Variants in NOX3 observed in about 807,000 individuals in gnomAD.
NOX3 encodes NADPH oxidase catalytic subunit-like 3.
NOX3 carries 74 observed loss-of-function variants against 76.7 expected under a neutral mutation model. The ratio of observed to expected loss-of-function variants is 0.96; its 90% confidence interval spans 0.80 to 1.17. NOX3 has a LOEUF of 1.17. Among genes scored for constraint, NOX3 ranks in the 50% most tolerant of loss-of-function variants. The probability of loss-of-function intolerance (pLI) is 0.00; values close to 1 mark genes in which losing one functional copy is unlikely to be tolerated. For missense variants in NOX3, 695 were observed against 703.3 expected (o/e 0.99, Z 0.13); for synonymous variants, 263 against 261.1 (o/e 1.01, Z -0.07).
In NOX3 at chr6:155,442,092, G is replaced by A. The variant is rs370921645; in HGVS notation, c.486+1181C>T. ...ATCCTGGCTAACACAGTGAAACCCC[G>A]TCTCTACTAAAAATAACAAAAATTA... On this transcript the variant is annotated intron_variant, in intron 5 of 13. Transcript: ENST00000159060. Among the ~76,000 whole-genome samples, 11 of 152,126 alleles carry A rather than the reference G, an allele frequency of 7.2e-5. No individual in the cohort carries two copies. In the South Asian group the frequency reaches 1.2e-3, roughly 17 times the overall value.
chr6:155,424,061 C>T (rs930474869), intron 9 of NOX3, among the ~76,000 whole-genome samples: 6 of 152,124 alleles, frequency 3.9e-5, no homozygotes, highest in African/African-American at 1.4e-4. Flanking sequence ...TTCCTTCCCT[C>T]TCTCCTTAGT....
In NOX3 at chr6:155,445,051, G is replaced by A. The variant is rs144488186; in HGVS notation, c.341-1633C>T. 2.3e-3 allele frequency among the ~76,000 whole-genome samples: 347 copies of A among 152,272 alleles called. 2 individuals carry two copies. Among genetic ancestry groups the A allele is most frequent in the African/African-American group, 7.8e-3 (324 of 41,560 alleles). On this transcript the variant is annotated intron_variant, in intron 4 of 13. Coordinates refer to ENST00000159060, the MANE Select transcript of NOX3 (RefSeq NM_015718.3). ...AGAACAAGCTTAAGAACCCAGCATCGTCTGGCCTGAGGATTCTGTGTCTGA... is the reference window on the plus strand; with the variant it reads ...AGAACAAGCTTAAGAACCCAGCATCATCTGGCCTGAGGATTCTGTGTCTGA...
At chr6:155,400,414 G>A (rs1363633454) in intron 12 of NOX3, among the ~76,000 whole-genome samples, 3 of 152,300 alleles carry the variant, frequency 2.0e-5, no homozygotes, top group Admixed American at 6.5e-5. Flanking sequence ...TACCCTGAGT[G>A]CATTCTGCAA....
At chr6:155,420,198 C>T (rs1048253214) in intron 10 of NOX3, among the ~76,000 whole-genome samples, 3 of 151,988 alleles carry the variant, frequency 2.0e-5, no homozygotes, top group Non-Finnish European at 4.4e-5. Context: ...GATTGTGAGT[C>T]GGGTGTAATG....
At position 155,454,840 on chromosome 6, in the gene NOX3, G is replaced by A. The variant is rs368167688; in HGVS notation, c.226C>T (p.Leu76Phe). 2.5e-6 allele frequency: 4 copies of A among 1,600,002 alleles called. No homozygotes were observed. In the African/African-American group the frequency reaches 5.4e-5, roughly 22 times the overall value. Residue 76 changes from leucine (L) to phenylalanine (F), a missense_variant, in exon 3 of 14, where the codon CTT (leucine) becomes TTT (phenylalanine). Transcript: ENST00000159060. ...CTTGTTCCTCTTATGAATGAAATAA[G>A]GTTTCGACTGACAGGTATTAGAATT... ...MLILIPVSRNLISFIRGTSIC... is the reference protein window; with the variant it reads ...MLILIPVSRNFISFIRGTSIC...
At chr6:155,431,753 G>A (rs1370447986) in intron 7 of NOX3, among the ~76,000 whole-genome samples, 2 of 152,178 alleles carry the variant, frequency 1.3e-5, no homozygotes, top group African/African-American at 4.8e-5. Context: ...TGAGGCATAT[G>A]TATTACCTTG....
At chr6:155,420,299 C>T (rs537528933) in intron 10 of NOX3, among the ~76,000 whole-genome samples, 27 of 152,286 alleles carry the variant, frequency 1.8e-4, no homozygotes, top group Non-Finnish European at 2.9e-4. Context: ...CCACCACCAT[C>T]TTCCTGTGAA....
Position 155,436,551 on chromosome 6 carries a change from GT to G in NOX3, c.669-5del, listed in dbSNP as rs763068128. ...GGTTTGGCCTCGAACAATCCGACTTGTTATTTAAGAAAAGCAAAACAAAACA... is the reference window on the plus strand; with the variant it reads ...GGTTTGGCCTCGAACAATCCGACTTGTATTTAAGAAAAGCAAAACAAAACA... On this transcript the variant is annotated splice_polypyrimidine_tract_variant and splice_region_variant and intron_variant, in intron 6 of 13. Transcript: ENST00000159060. The G allele has an allele frequency of 4.1e-5, 66 of 1,609,134 alleles. 1 individual carries two copies. The East Asian group carries it at 6.0e-4, about 15-fold the overall frequency.
chr6:155,414,619 C>CT (rs1776599820), intron 10 of NOX3, among the ~76,000 whole-genome samples: 4 of 119,430 alleles, frequency 3.3e-5, no homozygotes, highest in Admixed American at 8.1e-5. Flanking sequence ...CTTTTCTTTT[C>CT]TTTCTTTTTT....
At position 155,443,425 on chromosome 6, in the gene NOX3, C is replaced by G. The variant is rs1287253046; in HGVS notation, c.341-7G>C. ...TGCGCCACGATGTGGATGGCTAGGACAAGGAGATGACACCAAACATGCACC... is the reference window on the plus strand; with the variant it reads ...TGCGCCACGATGTGGATGGCTAGGAGAAGGAGATGACACCAAACATGCACC... On this transcript the variant is annotated splice_polypyrimidine_tract_variant and splice_region_variant and intron_variant, in intron 4 of 13. Coordinates refer to ENST00000159060, the MANE Select transcript of NOX3 (RefSeq NM_015718.3). The G allele has an allele frequency of 6.2e-7, 1 of 1,613,348 alleles. No individual in the cohort carries two copies. Among genetic ancestry groups the G allele is most frequent in the Admixed American group, 1.7e-5 (1 of 59,970 alleles).
chr6:155,433,128 T>C (rs182824986), intron 7 of NOX3, among the ~76,000 whole-genome samples: 5 of 152,318 alleles, frequency 3.3e-5, no homozygotes, highest in Non-Finnish European at 5.9e-5. Flanking sequence ...ATCTCTGATA[T>C]TTTCCACGTT....
At chr6:155,438,754 C>T (rs1397061137) in intron 6 of NOX3, among the ~76,000 whole-genome samples, 1 of 152,234 alleles carries the variant, frequency 6.6e-6, no homozygotes, top group African/African-American at 2.4e-5. Context: ...TGCGCTTGCT[C>T]TTCCAGGTCC....
At chr6:155,448,504 C>G (rs2114708859) in intron 4 of NOX3, among the ~76,000 whole-genome samples, 2 of 152,188 alleles carry the variant, frequency 1.3e-5, no homozygotes, top group South Asian at 4.2e-4. Context: ...GGTGCTATAG[C>G]TGGATCTTTC....
In NOX3 at chr6:155,442,017, C is replaced by A. The variant is rs1776993995; in HGVS notation, c.486+1256G>T. On this transcript the variant is annotated intron_variant, in intron 5 of 13. Coordinates refer to ENST00000159060, the MANE Select transcript of NOX3 (RefSeq NM_015718.3). ...CGGTGGCTCACGCCTGTAATCCCAG[C>A]ACTTTGGGAGGCCGAGGTGGGCGGA... Among the ~76,000 whole-genome samples the A allele has an allele frequency of 2.0e-5, 3 of 152,292 alleles. 1 individual carries two copies. The South Asian group carries it at 6.2e-4, about 32-fold the overall frequency.
intron 3 of NOX3, among the ~76,000 whole-genome samples, chr6:155,453,691 T>A (rs542088635): frequency 6.6e-6 from 1 of 152,322 alleles, no homozygotes; most frequent in East Asian, 1.9e-4. Context: ...CAAAAATGAT[T>A]GACTTATTAG....
In NOX3 at chr6:155,443,324, C is replaced by G; in HGVS notation, c.435G>C (p.Leu145=). The G allele has an allele frequency of 4.3e-6, 7 of 1,614,110 alleles. No individual in the cohort carries two copies. The South Asian group carries it at 7.7e-5, about 18-fold the overall frequency. The change falls in exon 5 of 14, where the codon CTG becomes CTC. Residue 145 remains leucine, a synonymous_variant. Coordinates refer to ENST00000159060, the MANE Select transcript of NOX3 (RefSeq NM_015718.3). The part of the protein sequence containing the change: ...AQGLLAALSK[L]GNTPNESYLN... ...GGTAGCTCTCGTTAGGGGTGTTGCC[C>G]AGCTTGGAAAGTGCGGCCAGAAGTC...
chr6:155,449,649 G>A (rs138179039), intron 4 of NOX3, among the ~76,000 whole-genome samples: 1 of 151,976 alleles, frequency 6.6e-6, no homozygotes, highest in Non-Finnish European at 1.5e-5. Context: ...CTCCTCCCTC[G>A]CCTTCTTCCA....
At chr6:155,434,794 A>G (rs1776880025) in intron 7 of NOX3, among the ~76,000 whole-genome samples, 1 of 152,166 alleles carries the variant, frequency 6.6e-6, no homozygotes, top group Non-Finnish European at 1.5e-5. Context: ...TGCCGGGTAT[A>G]GTTGGTTTCT....
intron 9 of NOX3, among the ~76,000 whole-genome samples, chr6:155,427,028 T>TGTGTGTGCGTGC (rs796489805): frequency 8.2e-6 from 1 of 121,754 alleles, no homozygotes; most frequent in African/African-American, 3.3e-5. Context: ...TGTGTGTGTG[T>TGTGTGTGCGTGC]GCTGGGGGGG....
Sources: gnomAD v4.1 joint callset for allele counts (sites outside exome capture counted in the v4.1 genomes callset) on GRCh38, gnomAD v4.1.1 for gene constraint, MANE v1.5 for transcripts, NCBI Gene and HGNC (gene_info 2026-07-23, HGNC 2026-07-21) for gene names.